Variants in SYNE1 observed in about 807,000 individuals in gnomAD.
The protein encoded by SYNE1 is nesprin-1.
SYNE1 carries 616 observed loss-of-function variants against 1,111.0 expected under a neutral mutation model. The observed-to-expected ratio is 0.55, with a 90% CI of 0.52 to 0.59. The LOEUF is 0.59. SYNE1 is among the 20% of genes least tolerant of loss of function. The pLI is 0.00. For missense variants in SYNE1, 10,006 were observed against 10,417.0 expected, an observed-to-expected ratio of 0.96 and a Z score of 1.72; for synonymous variants, 3,855 against 3,825.8, an observed-to-expected ratio of 1.01 and a Z score of -0.28.
rs532651998 is a variant in SYNE1 at position 152,277,081 on chromosome 6, G to A, written c.18573+1008C>T. Reference sequence around the variant, plus strand: ...AATTTTTGGTATTTTTATTAGAAACGGGGTTTCACCGTGTTAGCCAGGATG... The same window carrying A: ...AATTTTTGGTATTTTTATTAGAAACAGGGTTTCACCGTGTTAGCCAGGATG... On this transcript the variant is annotated intron_variant, in intron 98 of 145. Coordinates refer to ENST00000367255, the MANE Select transcript of SYNE1 (RefSeq NM_182961.4). Among the ~76,000 whole-genome samples, 6 of 150,862 alleles carry A rather than the reference G, an allele frequency of 4.0e-5. No homozygotes were observed. The East Asian group carries it at 7.9e-4, about 20-fold the overall frequency.
In SYNE1 at chr6:152,323,578, G is replaced by A. The variant is rs1188702505; in HGVS notation, c.15817C>T (p.Gln5273Ter). 1 of 1,614,220 alleles carries A rather than the reference G, an allele frequency of 6.2e-7. No individual in the cohort carries two copies. Among genetic ancestry groups the A allele is most frequent in the East Asian group, 2.2e-5 (1 of 44,878 alleles). Residue 5273 changes from glutamine to a stop codon, truncating the protein, a stop_gained, in exon 82 of 146, where the codon CAG becomes TAG. Transcript: ENST00000367255. LOFTEE classifies it high-confidence loss of function. Reference sequence around the variant, plus strand: ...TCCTGGAGCATGCTCAGGGTTTGCTGCCGCAGCATGCCCAAGGCCGACTGC... The same window carrying A: ...TCCTGGAGCATGCTCAGGGTTTGCTACCGCAGCATGCCCAAGGCCGACTGC... ...QQQSALGMLR[Q>*]QTLSMLQDGA...
rs2094181292 is a variant in SYNE1 at position 152,284,030 on chromosome 6, T to G, written c.18155A>C (p.Glu6052Ala). Residue 6052 changes from glutamate to alanine, a missense_variant, in exon 96 of 146, where the codon GAG becomes GCG. By Grantham distance (107) the Glu-to-Ala change is moderately radical. Transcript: ENST00000367255. ...ALQSTLTVLA[E>A]RMSTIRMKAS... ...TTTCATCCTGATGGTGGACATTCGC[T>G]CGGCTAAGACAGTGAGCGTGGACTG... 6.2e-7 allele frequency: 1 copy of G among 1,614,124 alleles called. No homozygotes were observed. The highest frequency in any genetic ancestry group is 8.5e-7 in the Non-Finnish European group (1 of 1,180,054).
At chr6:152,617,116 C>G (rs1224909442) in intron 3 of SYNE1, among the ~76,000 whole-genome samples, 1 of 152,144 alleles carries the variant, frequency 6.6e-6, no homozygotes, top group African/African-American at 2.4e-5. Flanking sequence ...CGGTTTGCCA[C>G]TTAACCACTC....
chr6:152,563,172 T>A (rs970764966), intron 3 of SYNE1, among the ~76,000 whole-genome samples: 4 of 152,062 alleles, frequency 2.6e-5, no homozygotes, highest in African/African-American at 9.7e-5. Context: ...TTTTATCATA[T>A]CTCACCTATT....
chr6:152,176,703 T>G, intron 129 of SYNE1, 143 bp from the exon 130 acceptor site: 1 of 829,532 alleles, frequency 1.2e-6, no homozygotes, highest in South Asian at 1.5e-5. Context: ...TATCAGCCCA[T>G]GTGCACAAGT....
intron 40 of SYNE1, among the ~76,000 whole-genome samples, chr6:152,418,052 A>G (rs766285509): frequency 1.8e-4 from 27 of 152,224 alleles, no homozygotes; most frequent in Non-Finnish European, 3.2e-4. Context: ...CACCTATCTT[A>G]ATCTTGACAA....
rs1383716607 is a variant in SYNE1 at position 152,461,652 on chromosome 6, T to A, written c.2339A>T (p.Glu780Val). The part of the protein sequence containing the change: ...AHLITKESPQ[E>V]EGKEMFATMS... ...GGTCGCAAACATTTCTTTTCCTTCTTCTTGGGGGCTTTCTTTGGTAATGAG... is the reference window on the plus strand; with the variant it reads ...GGTCGCAAACATTTCTTTTCCTTCTACTTGGGGGCTTTCTTTGGTAATGAG... Residue 780 changes from glutamate (E) to valine (V), a missense_variant, in exon 21 of 146, where the codon GAA becomes GTA. This residue lies in a region of SYNE1 where 1,971 missense variants were observed against 2,084.1 expected (regional missense o/e 0.95). Coordinates refer to ENST00000367255, the MANE Select transcript of SYNE1 (RefSeq NM_182961.4). 3.1e-6 allele frequency: 5 copies of A among 1,614,040 alleles called. No individual in the cohort carries two copies. Among genetic ancestry groups the A allele is most frequent in the Non-Finnish European group, 4.2e-6 (5 of 1,179,974 alleles).
intron 74 of SYNE1, among the ~76,000 whole-genome samples, chr6:152,342,723 C>T (rs2096557261): frequency 6.6e-6 from 1 of 152,162 alleles, no homozygotes; most frequent in African/African-American, 2.4e-5. Flanking sequence ...GTCAACACTG[C>T]ATACAAAAGC....
chr6:152,527,829 G>A (rs762299172), intron 4 of SYNE1, among the ~76,000 whole-genome samples: 26 of 152,122 alleles, frequency 1.7e-4, no homozygotes, highest in Non-Finnish European at 3.8e-4. Flanking sequence ...CATCTGTTTC[G>A]ATTTTAAAAA....
intron 3 of SYNE1, among the ~76,000 whole-genome samples, chr6:152,550,361 T>C (rs902563983): frequency 6.6e-6 from 1 of 152,160 alleles, no homozygotes; most frequent in African/African-American, 2.4e-5. Context: ...TAGAACTATA[T>C]AAAGCAAAAT....
At chr6:152,199,562 A>G (rs1234681962) in intron 127 of SYNE1, among the ~76,000 whole-genome samples, 2 of 152,234 alleles carry the variant, frequency 1.3e-5, no homozygotes, top group East Asian at 3.8e-4. Flanking sequence ...AGTTGACATT[A>G]GTTTTTACAA....
chr6:152,333,232 G>A (rs2153979411), intron 77 of SYNE1, among the ~76,000 whole-genome samples: 1 of 152,244 alleles, frequency 6.6e-6, no homozygotes, highest in South Asian at 2.1e-4. Flanking sequence ...AGAAAGCTAA[G>A]AGGGGTTCAA....
intron 66 of SYNE1, among the ~76,000 whole-genome samples, chr6:152,357,769 T>G (rs1264301446): frequency 2.6e-5 from 4 of 152,230 alleles, no homozygotes; most frequent in Non-Finnish European, 5.9e-5. Flanking sequence ...ATCTGTACTG[T>G]ATTAAGTATC....
rs139524103 is a variant in SYNE1, at chr6:152,444,444, C to T, written c.3804G>A (p.Leu1268=). The part of the protein sequence containing the change: ...QAEKILDTEN[L]FEAQQLLLHH... ...GAAGAAGTAACTGCTGTGCTTCAAA[C>T]AGATTTTCAGTATCCAAGATCTTCT... Residue 1268 remains leucine (L), a synonymous_variant, in exon 30 of 146, where the codon CTG becomes CTA. Coordinates refer to ENST00000367255, the MANE Select transcript of SYNE1 (RefSeq NM_182961.4). 17,829 of 1,613,908 alleles carry T rather than the reference C, an allele frequency of 0.011. 115 individuals carry two copies. Among genetic ancestry groups the T allele is most frequent in the Non-Finnish European group, 0.013 (15,318 of 1,179,916 alleles).
At chr6:152,202,334 G>A (rs1053937676) in intron 126 of SYNE1, among the ~76,000 whole-genome samples, 6 of 109,700 alleles carry the variant, frequency 5.5e-5, no homozygotes, top group Non-Finnish European at 6.8e-5. Context: ...GCAAAAGAGC[G>A]AGACTCTGTC....
intron 14 of SYNE1, among the ~76,000 whole-genome samples, chr6:152,476,243 A>G (rs1564317422): frequency 6.6e-6 from 1 of 152,252 alleles, no homozygotes; most frequent in East Asian, 1.9e-4. Context: ...AAGACTCAAC[A>G]TGCCCCAAGC....
At chr6:152,429,726 C>A (rs1295750044) in intron 36 of SYNE1, among the ~76,000 whole-genome samples, 1 of 152,094 alleles carries the variant, frequency 6.6e-6, no homozygotes, top group Non-Finnish European at 1.5e-5. Context: ...GGATATATTC[C>A]TTAAACATCT....
chr6:152,210,793 A>G (rs1308609176), intron 124 of SYNE1, among the ~76,000 whole-genome samples: 1 of 152,164 alleles, frequency 6.6e-6, no homozygotes, highest in African/African-American at 2.4e-5. Flanking sequence ...TGAAATTGTC[A>G]TTTCTCATAC....
intron 123 of SYNE1, among the ~76,000 whole-genome samples, 184 bp from the exon 124 acceptor site, chr6:152,211,772 C>A (rs112692940): frequency 2.6e-5 from 4 of 152,248 alleles, no homozygotes; most frequent in African/African-American, 9.6e-5. Flanking sequence ...TTAAGATACA[C>A]TCAAAGATAA....
Sources: allele counts gnomAD v4.1 joint callset (sites outside exome capture counted in the v4.1 genomes callset), GRCh38; gene constraint gnomAD v4.1.1; regional missense constraint gnomAD v4.1.1; transcripts MANE v1.5; gene names NCBI Gene and HGNC (gene_info 2026-07-23, HGNC 2026-07-21).